Variants in ELAPOR2 observed in about 807,000 individuals in gnomAD.
ELAPOR2 encodes endosome/lysosome-associated apoptosis and autophagy regulator family member 2.
Under a neutral mutation model 120.7 loss-of-function variants are expected in ELAPOR2, and 89 were observed. That is an observed-to-expected ratio of 0.74 (90% CI 0.62 to 0.88). ELAPOR2 has a LOEUF of 0.88. ELAPOR2 is among the 40% of genes least tolerant of loss of function. The pLI is 0.00. For synonymous variants in ELAPOR2, 444 were observed against 444.9 expected (o/e 1.00, Z 0.03); for missense variants, 1,134 against 1,251.6 (o/e 0.91, Z 1.42).
intron 1 of ELAPOR2, among the ~76,000 whole-genome samples, chr7:87,049,268 T>G (rs1795036083): frequency 7.2e-6 from 1 of 139,754 alleles, no homozygotes; most frequent in Non-Finnish European, 1.5e-5. Context: ...AGGAAGGGAT[T>G]GAAATTTTAT....
intron 1 of ELAPOR2, among the ~76,000 whole-genome samples, chr7:87,051,301 T>C (rs1795094620): frequency 6.6e-6 from 1 of 152,144 alleles, no homozygotes; most frequent in Non-Finnish European, 1.5e-5. Context: ...GCCAAGTAAA[T>C]TTCAGTGATG....
intron 10 of ELAPOR2, among the ~76,000 whole-genome samples, chr7:86,925,041 G>T (rs1790004906): frequency 1.3e-5 from 2 of 151,976 alleles, no homozygotes; most frequent in Admixed American, 1.3e-4. Flanking sequence ...CTGTTCTGTA[G>T]AACTCTGCCA....
chr7:87,020,140 T>C (rs879718105), intron 1 of ELAPOR2, among the ~76,000 whole-genome samples: 2 of 152,158 alleles, frequency 1.3e-5, no homozygotes, highest in Non-Finnish European at 1.5e-5. Flanking sequence ...TACACAGCTA[T>C]GGGTTTTAAT....
At chr7:86,910,481 T>C (rs963676919) in intron 15 of ELAPOR2, among the ~76,000 whole-genome samples, 18 of 152,132 alleles carry the variant, frequency 1.2e-4, no homozygotes, top group South Asian at 2.1e-4. Flanking sequence ...AAAGTCATAC[T>C]GCAGCAAAAT....
chr7:86,948,953 C>A (rs1256159577), intron 2 of ELAPOR2, among the ~76,000 whole-genome samples: 1 of 152,144 alleles, frequency 6.6e-6, no homozygotes, highest in South Asian at 2.1e-4. Flanking sequence ...CAAAGTCTCA[C>A]ATTTAGGTAG....
At chr7:86,930,247 G>A (rs1218719447) in intron 8 of ELAPOR2, among the ~76,000 whole-genome samples, 1 of 151,890 alleles carries the variant, frequency 6.6e-6, no homozygotes, top group Non-Finnish European at 1.5e-5. Context: ...GATATGGTAT[G>A]AGAACTATAT....
At chr7:87,058,227 T>G (rs545902854) in intron 1 of ELAPOR2, among the ~76,000 whole-genome samples, 11 of 152,240 alleles carry the variant, frequency 7.2e-5, no homozygotes, top group Non-Finnish European at 1.2e-4. Context: ...ACTCTGTAAT[T>G]CAAGTCTCGG....
At chr7:86,899,984 AG>A (rs1788642105) in intron 18 of ELAPOR2, among the ~76,000 whole-genome samples, 1 of 152,110 alleles carries the variant, frequency 6.6e-6, no homozygotes, top group Admixed American at 6.6e-5. Context: ...ATTAGTAAAA[AG>A]CAACTCAAAA....
At chr7:86,987,183 A>T (rs142062200) in intron 1 of ELAPOR2, among the ~76,000 whole-genome samples, 17,353 of 152,272 alleles carry the variant, frequency 0.11, 1,242 homozygotes, top group Non-Finnish European at 0.16. Flanking sequence ...TACACCTTAT[A>T]CAAAAATTAA....
At chr7:86,989,587 C>T (rs1047698752) in intron 1 of ELAPOR2, among the ~76,000 whole-genome samples, 6 of 152,164 alleles carry the variant, frequency 3.9e-5, no homozygotes, top group East Asian at 1.9e-4. Flanking sequence ...ATGAAACTTT[C>T]GAGCCAGATT....
chr7:86,922,216 C>A (rs1359635366), intron 10 of ELAPOR2, among the ~76,000 whole-genome samples: 1 of 151,898 alleles, frequency 6.6e-6, no homozygotes, highest in Non-Finnish European at 1.5e-5. Context: ...AACCTAACAC[C>A]TAACAGCTAT....
rs145033888 is a variant in ELAPOR2 at position 86,993,947 on chromosome 7, T to C, written c.190-28923A>G. On this transcript the variant is annotated intron_variant, in intron 1 of 21. Transcript: ENST00000450689. ...GAACCTATTCAATACCTCTCCTCAATTGAATCTTTTCCAAATCAAAATCTC... is the reference window on the plus strand; with the variant it reads ...GAACCTATTCAATACCTCTCCTCAACTGAATCTTTTCCAAATCAAAATCTC... Among the ~76,000 whole-genome samples, 81 of 152,340 alleles carry C rather than the reference T, an allele frequency of 5.3e-4. 1 individual carries two copies. The highest frequency in any genetic ancestry group is 1.8e-3 in the African/African-American group (75 of 41,572).
At chr7:86,882,789 C>A (rs1438796389) in intron 21 of ELAPOR2, among the ~76,000 whole-genome samples, 1 of 152,086 alleles carries the variant, frequency 6.6e-6, no homozygotes, top group East Asian at 1.9e-4. Flanking sequence ...TCCTATCTAA[C>A]CCCTTTGGAC....
intron 5 of ELAPOR2, among the ~76,000 whole-genome samples, chr7:86,940,708 C>T (rs1377682514): frequency 6.6e-6 from 1 of 151,986 alleles, no homozygotes; most frequent in Non-Finnish European, 1.5e-5. Context: ...CTAATTTTCT[C>T]ATAAATTTCA....
At chr7:87,038,509 T>G (rs1794657650) in intron 1 of ELAPOR2, among the ~76,000 whole-genome samples, 1 of 152,150 alleles carries the variant, frequency 6.6e-6, no homozygotes. Context: ...TTGACCTTCA[T>G]GAGTGATTAA....
intron 1 of ELAPOR2, among the ~76,000 whole-genome samples, chr7:87,048,473 G>A (rs1318114084): frequency 1.3e-5 from 2 of 152,136 alleles, no homozygotes; most frequent in Non-Finnish European, 2.9e-5. Context: ...AGTTACCAGA[G>A]TCTGGGAAAG....
intron 1 of ELAPOR2, among the ~76,000 whole-genome samples, chr7:87,018,477 A>T (rs1479146744): frequency 6.6e-6 from 1 of 152,210 alleles, no homozygotes; most frequent in Non-Finnish European, 1.5e-5. Flanking sequence ...AATGATTTGG[A>T]TTGTCTAAGA....
intron 1 of ELAPOR2, among the ~76,000 whole-genome samples, chr7:86,994,190 A>C (rs1793046993): frequency 1.3e-5 from 2 of 152,200 alleles, no homozygotes; most frequent in South Asian, 4.1e-4. Flanking sequence ...TACTTTATAC[A>C]CAGAGGGAAG....
At chr7:86,895,880 G>T (rs1192655193) in intron 19 of ELAPOR2, among the ~76,000 whole-genome samples, 1 of 152,046 alleles carries the variant, frequency 6.6e-6, no homozygotes, top group Non-Finnish European at 1.5e-5. Context: ...TATCAAAATT[G>T]TAGAGTAAAG....
Sources: allele counts gnomAD v4.1 joint callset (sites outside exome capture counted in the v4.1 genomes callset), GRCh38; gene constraint gnomAD v4.1.1; transcripts MANE v1.5; gene names NCBI Gene and HGNC (gene_info 2026-07-23, HGNC 2026-07-21).